The following KALRN variants were observed in gnomAD, a reference collection of about 807,000 sequenced individuals.
KALRN encodes the protein kalirin.
A neutral mutation model predicts 353.7 loss-of-function variants in KALRN; 70 were observed. That is an observed-to-expected ratio of 0.20 (90% CI 0.16 to 0.24). The LOEUF (loss-of-function observed/expected upper bound fraction) is 0.24. Ranked by LOEUF, KALRN falls within the 10% of genes least tolerant of loss-of-function variation. The pLI is 1.00. For missense variants in KALRN, 2,791 were observed against 3,756.7 expected, an observed-to-expected ratio of 0.74 and a Z score of 6.72; for synonymous variants, 1,391 against 1,434.8, an observed-to-expected ratio of 0.97 and a Z score of 0.69.
At chr3:124,197,106 A>G (rs2075516677) in intron 1 of KALRN, among the ~76,000 whole-genome samples, 1 of 151,796 alleles carries the variant, frequency 6.6e-6, no homozygotes, top group Admixed American at 6.6e-5. Context: ...TTTTTTTTTC[A>G]TTTAAAAAGA....
chr3:124,457,465 C>T (rs192824082), intron 23 of KALRN, among the ~76,000 whole-genome samples: 26 of 152,348 alleles, frequency 1.7e-4, no homozygotes, highest in Admixed American at 1.7e-3. Flanking sequence ...TTTCCTGCTG[C>T]TGGTCCCTGC....
intron 1 of KALRN, among the ~76,000 whole-genome samples, chr3:124,209,437 C>T (rs547673945): frequency 2.9e-5 from 4 of 139,102 alleles, no homozygotes; most frequent in East Asian, 2.1e-4. Flanking sequence ...TGCTTGAAGC[C>T]GAGATCTCGC....
At chr3:124,584,918 T>TCGG (rs2074993507) in intron 34 of KALRN, 1 of 1,587,308 alleles carries the variant, frequency 6.3e-7, no homozygotes. Context: ...TGAGTGGCTG[T>TCGG]CGGCGGCCTT....
chr3:124,094,996 A>AG (rs1285255317), intron 1 of KALRN: 7 of 1,210,364 alleles, frequency 5.8e-6, no homozygotes, highest in African/African-American at 1.5e-5. Context: ...CACAGCAGAG[A>AG]GGGGAGGGGG....
At chr3:124,385,145 A>G in intron 11 of KALRN, 109 bp downstream of exon 11, 1 of 861,382 alleles carries the variant, frequency 1.2e-6, no homozygotes, top group Admixed American at 2.8e-5. Context: ...TCTGGGGGTT[A>G]CTAACTTCCT....
rs1048632016 is a variant in KALRN at position 124,434,354 on chromosome 3, G to A, written c.2877G>A (p.Leu959=). 3 of 1,613,530 alleles carry A rather than the reference G, an allele frequency of 1.9e-6. No individual in the cohort carries two copies. The highest frequency in any genetic ancestry group is 2.5e-6 in the Non-Finnish European group (3 of 1,180,030). ...TGCAGAAGACGCACCAGAGTGCCCT[G>A]CAGGTACAGCAGAAAGCCGAGGTGC... ...TSLQKTHQSA[L]QVQQKAEVLL... Residue 959 remains leucine (L), a synonymous_variant, in exon 17 of 60, where the codon CTG becomes CTA. Transcript: ENST00000682506.
At chr3:124,636,050 G>A (rs1027770701) in intron 36 of KALRN, among the ~76,000 whole-genome samples, 1 of 152,102 alleles carries the variant, frequency 6.6e-6, no homozygotes, top group Non-Finnish European at 1.5e-5. Flanking sequence ...CCACATGGAC[G>A]TAAGCTTTTT....
intron 47 of KALRN, among the ~76,000 whole-genome samples, chr3:124,667,510 C>A (rs566111941): frequency 1.9e-4 from 29 of 152,174 alleles, no homozygotes; most frequent in Non-Finnish European, 3.8e-4. Flanking sequence ...TCTAAGGAAC[C>A]AGGACCGGCT....
chr3:124,058,702 C>G (rs764898028), intron 1 of KALRN, among the ~76,000 whole-genome samples: 6 of 152,166 alleles, frequency 3.9e-5, no homozygotes, highest in Non-Finnish European at 8.8e-5. Context: ...TGATCCAGCC[C>G]AATTAAATCA....
chr3:124,639,213 T>C (rs1384602227), intron 37 of KALRN, among the ~76,000 whole-genome samples: 1 of 148,704 alleles, frequency 6.7e-6, no homozygotes, highest in East Asian at 2.0e-4. Context: ...ATCTAGAGCA[T>C]AGTGGTCATT....
Position 124,632,554 on chromosome 3 carries a change from C to T in KALRN, c.5317C>T (p.Leu1773=), listed in dbSNP as rs1210336554. The part of the protein sequence containing the change: ...KRSTNTLKKW[L]TSPVRRLNSG... The stretch of plus-strand genomic sequence containing the variant: ...CTCCACCAACACTCTTAAGAAGTGG[C>T]TGACGAGTCCTGTGCGTCGGCTTAA... The change falls in exon 35 of 60, where the codon CTG becomes TTG. Residue 1773 remains leucine (L), a synonymous_variant. Transcript: ENST00000682506. 6.2e-7 allele frequency: 1 copy of T among 1,614,226 alleles called. No individual in the cohort carries two copies. Among genetic ancestry groups the T allele is most frequent in the African/African-American group, 1.3e-5 (1 of 75,052 alleles).
intron 1 of KALRN, among the ~76,000 whole-genome samples, chr3:124,206,547 A>T (rs1463155448): frequency 6.6e-6 from 1 of 152,166 alleles, no homozygotes; most frequent in African/African-American, 2.4e-5. Context: ...ACCACTATGG[A>T]TATAGGTCAG....
rs536739812 is a variant in KALRN at position 124,231,511 on chromosome 3, C to T, written c.149-3318C>T. 1.3e-3 allele frequency among the ~76,000 whole-genome samples: 195 copies of T among 152,284 alleles called. 2 individuals carry two copies. Among genetic ancestry groups the T allele is most frequent in the Non-Finnish European group, 2.2e-3 (151 of 68,028 alleles). On this transcript the variant is annotated intron_variant, in intron 2 of 59. Coordinates refer to ENST00000682506, the MANE Select transcript of KALRN (RefSeq NM_001388419.1). The stretch of plus-strand genomic sequence containing the variant: ...CTTATGTTGCTGTGGCACAATCTTT[C>T]GTACCCTGGACCTGCATCTCTCAAA...
intron 1 of KALRN, among the ~76,000 whole-genome samples, chr3:124,208,130 G>A (rs1579397447): frequency 2.0e-5 from 3 of 152,134 alleles, no homozygotes; most frequent in Non-Finnish European, 4.4e-5. Context: ...CCACCTCACC[G>A]CTTGAGGACC....
intron 1 of KALRN, among the ~76,000 whole-genome samples, chr3:124,186,707 A>G (rs80235866): frequency 0.034 from 5,146 of 152,276 alleles, 271 homozygotes; most frequent in African/African-American, 0.12. Context: ...TTTCCCTAGG[A>G]GTAAAAACCC....
intron 25 of KALRN, among the ~76,000 whole-genome samples, chr3:124,465,391 T>C (rs2060232222): frequency 6.6e-6 from 1 of 152,084 alleles, no homozygotes. Context: ...GGTGAATGCA[T>C]GGATGAACAA....
chr3:124,509,905 A>G (rs1186526959), intron 33 of KALRN, among the ~76,000 whole-genome samples: 1 of 152,222 alleles, frequency 6.6e-6, no homozygotes, highest in Non-Finnish European at 1.5e-5. Flanking sequence ...ATATTAGAAG[A>G]TGAGAAAGTT....
chr3:124,352,229 C>A (rs566336785), intron 10 of KALRN, among the ~76,000 whole-genome samples: 1 of 152,146 alleles, frequency 6.6e-6, no homozygotes, highest in Non-Finnish European at 1.5e-5. Context: ...GGAGTTCCTG[C>A]CCATAATAGG....
intron 1 of KALRN, among the ~76,000 whole-genome samples, chr3:124,034,326 C>T (rs1577409398): frequency 6.6e-6 from 1 of 152,234 alleles, no homozygotes; most frequent in South Asian, 2.1e-4. Context: ...AGGAGTGGGG[C>T]GGAAGACATC....
Sources: allele counts gnomAD v4.1 joint callset (sites outside exome capture counted in the v4.1 genomes callset), GRCh38; gene constraint gnomAD v4.1.1; transcripts MANE v1.5; gene names NCBI Gene and HGNC (gene_info 2026-07-23, HGNC 2026-07-21).